Variants in BPTF observed in about 807,000 individuals in gnomAD.
BPTF encodes the protein bromodomain PHD finger transcription factor.
Under a neutral mutation model 292.5 loss-of-function variants are expected in BPTF, and 18 were observed. That is an observed-to-expected ratio of 0.06 (90% CI 0.04 to 0.09). The LOEUF (loss-of-function observed/expected upper bound fraction) is 0.09. Among genes scored for constraint, BPTF ranks in the 10% least tolerant of loss-of-function variants. BPTF has a pLI of 1.00. For missense variants in BPTF, 2,726 were observed against 3,498.7 expected, an observed-to-expected ratio of 0.78 and a Z score of 5.57; for synonymous variants, 1,225 against 1,251.9, an observed-to-expected ratio of 0.98 and a Z score of 0.45.
intron 23 of BPTF, among the ~76,000 whole-genome samples, chr17:67,954,829 C>T (rs546926022): frequency 6.6e-6 from 1 of 152,176 alleles, no homozygotes; most frequent in Non-Finnish European, 1.5e-5. Context: ...GGTTTTCTTT[C>T]TAACCTAGGA....
At chr17:67,856,192 G>T (rs774555784) in intron 2 of BPTF, among the ~76,000 whole-genome samples, 11 of 151,976 alleles carry the variant, frequency 7.2e-5, no homozygotes, top group Admixed American at 2.0e-4. Context: ...TGGGGTATTT[G>T]TATGTGTTCA....
intron 3 of BPTF, among the ~76,000 whole-genome samples, chr17:67,867,234 C>A (rs4790905): frequency 0.3 from 46,370 of 152,042 alleles, 8,427 homozygotes; most frequent in East Asian, 0.66. Context: ...TATTCCCCAA[C>A]ATGTTAGTTT....
At chr17:67,930,115 CA>C (rs57367735) in intron 17 of BPTF, among the ~76,000 whole-genome samples, 29,779 of 107,722 alleles carry the variant, frequency 0.28, 3,312 homozygotes, top group East Asian at 0.69. Context: ...GACCTTGTCT[CA>C]AAAAAAAAAA....
rs765139186 is a variant in BPTF at position 67,912,423 on chromosome 17, A to G, written c.4539A>G (p.Thr1513=). 1.9e-6 allele frequency: 3 copies of G among 1,614,062 alleles called. No individual in the cohort carries two copies. The South Asian group carries it at 3.3e-5, about 18-fold the overall frequency. ...CATCAACCAAAGAGTCTGACAGTAC[A>G]CAGACGACCACACCCTCAGCATCTT... is the stretch of plus-strand genomic sequence containing the variant. The part of the protein sequence containing the change: ...TLPSTKESDS[T]QTTTPSASCP... The change falls in exon 11 of 28, where the codon ACA becomes ACG. Residue 1513 remains threonine, a synonymous_variant. Coordinates refer to ENST00000306378, the MANE Select transcript of BPTF (RefSeq NM_182641.4).
chr17:67,869,021 G>A (rs1598342063), intron 3 of BPTF, among the ~76,000 whole-genome samples: 1 of 152,130 alleles, frequency 6.6e-6, no homozygotes, highest in East Asian at 1.9e-4. Context: ...GTCTTTGGGG[G>A]ATAAGTAATT....
intron 4 of BPTF, among the ~76,000 whole-genome samples, chr17:67,876,480 T>A (rs2060057910): frequency 6.6e-6 from 1 of 152,188 alleles, no homozygotes; most frequent in African/African-American, 2.4e-5. Flanking sequence ...TAAGTCCACC[T>A]TACTTTATAC....
At chr17:67,830,753 T>A (rs1312402973) in intron 1 of BPTF, among the ~76,000 whole-genome samples, 1 of 152,158 alleles carries the variant, frequency 6.6e-6, no homozygotes, top group Non-Finnish European at 1.5e-5. Context: ...CCAAAGCTCC[T>A]TTGTATGCTG....
At chr17:67,901,961 A>C (rs1274868512) in intron 7 of BPTF, among the ~76,000 whole-genome samples, 1 of 152,258 alleles carries the variant, frequency 6.6e-6, no homozygotes, top group Non-Finnish European at 1.5e-5. Flanking sequence ...GCAAAACACC[A>C]CAAAACCCTG....
chr17:67,896,230 G>A (rs1157301255), intron 7 of BPTF, among the ~76,000 whole-genome samples: 1 of 152,170 alleles, frequency 6.6e-6, no homozygotes, highest in Non-Finnish European at 1.5e-5. Context: ...CCAAAGTGCT[G>A]GGATTACAGG....
chr17:67,926,414 T>A (rs949027375), intron 15 of BPTF, among the ~76,000 whole-genome samples: 1 of 134,164 alleles, frequency 7.5e-6, no homozygotes, highest in African/African-American at 2.8e-5. Flanking sequence ...AAGCTCCGCC[T>A]CCCGGGTTCA....
intron 1 of BPTF, among the ~76,000 whole-genome samples, chr17:67,840,803 TCC>T: frequency 6.6e-6 from 1 of 151,966 alleles, no homozygotes; most frequent in Non-Finnish European, 1.5e-5. Context: ...GCTCAAGCAA[TCC>T]GCCTGTCTCG....
rs2065731555 is a variant in BPTF at position 67,945,418 on chromosome 17, A to G, written c.6710A>G (p.Glu2237Gly). The G allele has an allele frequency of 1.9e-6, 3 of 1,612,854 alleles. No homozygotes were observed. The highest frequency in any genetic ancestry group is 2.5e-6 in the Non-Finnish European group (3 of 1,179,338). ...TCTTTCCTTTTTACAGGTACAGGTG[A>G]ACAAAGGCAGAGTAAACTGTCACCC... ...TVSTTAAGTG[E>G]QRQSKLSPQM... The change falls in exon 21 of 28, where the codon GAA becomes GGA. Residue 2237 changes from glutamate (E) to glycine (G), a missense_variant. This residue lies in a region of BPTF where 570 missense variants were observed against 633.5 expected (regional missense o/e 0.90). Transcript: ENST00000306378.
intron 11 of BPTF, among the ~76,000 whole-genome samples, chr17:67,917,594 T>A (rs1258061649): frequency 6.6e-6 from 1 of 151,934 alleles, no homozygotes; most frequent in African/African-American, 2.4e-5. Context: ...TCTTACTAGA[T>A]TTGTAAGATG....
chr17:67,875,583 A>C (rs1598377406), intron 4 of BPTF: 1 of 1,564,164 alleles, frequency 6.4e-7, no homozygotes, highest in African/African-American at 1.4e-5. Context: ...GATAAAGGTA[A>C]CTCTGTGTCA....
intron 4 of BPTF, among the ~76,000 whole-genome samples, chr17:67,878,075 T>TAC (rs1431638048): frequency 6.6e-6 from 1 of 152,206 alleles, no homozygotes; most frequent in Non-Finnish European, 1.5e-5. Flanking sequence ...CCAACAAAGG[T>TAC]ACTGACTATT....
intron 4 of BPTF, among the ~76,000 whole-genome samples, chr17:67,881,717 G>T (rs970252911): frequency 1.3e-5 from 2 of 151,644 alleles, no homozygotes; most frequent in African/African-American, 2.4e-5. Context: ...TGGCCAGGCT[G>T]GTCTTGAACT....
rs1161737412 is a variant in BPTF, at chr17:67,891,902, A to G, written c.1923A>G (p.Gly641=). ...NGELSESPGA[G]KGASGSTRII... is the part of the protein sequence containing the mutation. Reference sequence around the variant, plus strand: ...AGCTAAGTGAATCTCCTGGAGCTGGAAAAGGAGCATCTGGCTCAACTCGAA... The same window carrying G: ...AGCTAAGTGAATCTCCTGGAGCTGGGAAAGGAGCATCTGGCTCAACTCGAA... The change falls in exon 5 of 28, where the codon GGA becomes GGG. Residue 641 remains glycine, a synonymous_variant. Transcript: ENST00000306378. 6.2e-7 allele frequency: 1 copy of G among 1,611,584 alleles called. No individual in the cohort carries two copies.
At chr17:67,925,992 C>CTT (rs60083535) in intron 15 of BPTF, among the ~76,000 whole-genome samples, 2,501 of 56,644 alleles carry the variant, frequency 0.044, 874 homozygotes, top group Non-Finnish European at 0.057. Context: ...TAACATATTA[C>CTT]TTTTTTTTTT....
At chr17:67,834,016 A>G (rs1181119538) in intron 1 of BPTF, among the ~76,000 whole-genome samples, 2 of 152,000 alleles carry the variant, frequency 1.3e-5, no homozygotes, top group Non-Finnish European at 2.9e-5. Flanking sequence ...TCTTCTCTTC[A>G]TCTCGAATGG....
Sources: allele counts gnomAD v4.1 joint callset (sites outside exome capture counted in the v4.1 genomes callset), GRCh38; gene constraint gnomAD v4.1.1; regional missense constraint gnomAD v4.1.1; transcripts MANE v1.5; gene names NCBI Gene and HGNC (gene_info 2026-07-23, HGNC 2026-07-21).